PPM1D: variants seen among roughly 807,000 people sequenced by gnomAD.
PPM1D encodes the protein protein phosphatase 1D.
PPM1D carries 52 observed loss-of-function variants against 58.3 expected under a neutral mutation model. The ratio of observed to expected loss-of-function variants is 0.89; its 90% CI spans 0.71 to 1.12. PPM1D has a LOEUF of 1.12. PPM1D is among the 50% of genes most tolerant of loss of function. The pLI, the probability that PPM1D is intolerant of heterozygous loss-of-function variation, is 0.00. For synonymous variants in PPM1D, 278 were observed against 285.1 expected, an observed-to-expected ratio of 0.98 and a Z score of 0.25; for missense variants, 564 against 777.2, an observed-to-expected ratio of 0.73 and a Z score of 3.26.
intron 2 of PPM1D, among the ~76,000 whole-genome samples, chr17:60,632,990 CA>C (rs923440640): frequency 3.3e-5 from 5 of 151,142 alleles, no homozygotes; most frequent in Non-Finnish European, 5.9e-5. Flanking sequence ...TAAAAATAAA[CA>C]AAAAAACTGG....
At chr17:60,611,493 G>A (rs1338488938) in intron 1 of PPM1D, among the ~76,000 whole-genome samples, 3 of 151,312 alleles carry the variant, frequency 2.0e-5, no homozygotes, top group Non-Finnish European at 2.9e-5. Context: ...GCAGCGGCAC[G>A]ATCTTGGCTC....
chr17:60,648,386 G>GTTT (rs201335786), intron 4 of PPM1D, among the ~76,000 whole-genome samples: 3 of 135,770 alleles, frequency 2.2e-5, no homozygotes, highest in Non-Finnish European at 1.6e-5. Flanking sequence ...AAAATTTATC[G>GTTT]TTTTTTTTTT....
At chr17:60,661,308 G>T (rs1329743006) in intron 5 of PPM1D, among the ~76,000 whole-genome samples, 1 of 151,118 alleles carries the variant, frequency 6.6e-6, no homozygotes, top group Non-Finnish European at 1.5e-5. Context: ...TTCATTTGCT[G>T]CTCTGCTTGG....
chr17:60,618,433 A>C (rs1296961579), intron 1 of PPM1D, among the ~76,000 whole-genome samples: 2 of 152,124 alleles, frequency 1.3e-5, no homozygotes, highest in African/African-American at 4.8e-5. Context: ...ATGTTGCTCC[A>C]TTTTCTTGAC....
At chr17:60,620,806 C>T (rs562975521) in intron 1 of PPM1D, among the ~76,000 whole-genome samples, 1 of 152,284 alleles carries the variant, frequency 6.6e-6, no homozygotes, top group East Asian at 1.9e-4. Flanking sequence ...CTGCACCCAG[C>T]CTGTTGCCAT....
At position 60,663,799 on chromosome 17, in the gene PPM1D, AATACACAGTATTCAGAGTCTCTG is replaced by A. The variant is rs1057319550; in HGVS notation, c.*258_*280del. The A allele has an allele frequency of 1.8e-5, 8 of 454,126 alleles. No individual in the cohort carries two copies. The highest frequency in any genetic ancestry group is 5.9e-5 in the African/African-American group (3 of 51,182). The allele number at this position is 454,126 out of a possible 1,614,324, so 28.1% of individuals were successfully genotyped here. On this transcript the variant is annotated 3_prime_UTR_variant, in exon 6 of 6. Coordinates refer to ENST00000305921, the MANE Select transcript of PPM1D (RefSeq NM_003620.4). ...TGTATCCACACAAATTCAGTCTCTGAATACACAGTATTCAGAGTCTCTGATACACAGTAATTGTGACAATAGGG... is the reference window on the plus strand; with the variant it reads ...TGTATCCACACAAATTCAGTCTCTGAATACACAGTAATTGTGACAATAGGG...
At chr17:60,647,334 G>A (rs1310148673) in intron 3 of PPM1D, among the ~76,000 whole-genome samples, 2 of 151,974 alleles carry the variant, frequency 1.3e-5, no homozygotes, top group African/African-American at 4.8e-5. Context: ...CTTACATTTG[G>A]TTCATTGTTA....
chr17:60,641,377 G>A (rs538518255), intron 3 of PPM1D, among the ~76,000 whole-genome samples: 3 of 152,198 alleles, frequency 2.0e-5, no homozygotes, highest in Non-Finnish European at 2.9e-5. Flanking sequence ...ATTCTTGGCC[G>A]TTTGCATGTC....
At chr17:60,635,138 T>G (rs2030999218) in intron 3 of PPM1D, among the ~76,000 whole-genome samples, 1 of 152,164 alleles carries the variant, frequency 6.6e-6, no homozygotes, top group Non-Finnish European at 1.5e-5. Context: ...ACACCCTGAC[T>G]GGTGGACTTT....
At chr17:60,643,619 T>C (rs1470427524) in intron 3 of PPM1D, among the ~76,000 whole-genome samples, 5 of 152,036 alleles carry the variant, frequency 3.3e-5, no homozygotes, top group Admixed American at 3.3e-4. Context: ...TACTCACCAG[T>C]TAAAAAAAGA....
At chr17:60,661,059 C>CA (rs1044355548) in intron 5 of PPM1D, among the ~76,000 whole-genome samples, 50 of 145,144 alleles carry the variant, frequency 3.4e-4, no homozygotes, top group African/African-American at 7.1e-4. Context: ...ACTAAAAATA[C>CA]AAAAAAAAAA....
At chr17:60,621,563 ATTTTTTTTTTTTT>A (rs775950363) in intron 1 of PPM1D, among the ~76,000 whole-genome samples, 1 of 96,132 alleles carries the variant, frequency 1.0e-5, no homozygotes, top group Non-Finnish European at 2.2e-5. Flanking sequence ...TATTTTTTGT[ATTTTTTTTTTTTT>A]TTTTTTTTGA....
In PPM1D at chr17:60,600,487, A is replaced by C; in HGVS notation, c.73A>C (p.Thr25Pro). The C allele has an allele frequency of 6.4e-7, 1 of 1,573,814 alleles. No individual in the cohort carries two copies. The highest frequency in any genetic ancestry group is 1.3e-5 in the African/African-American group (1 of 74,286). Residue 25 changes from threonine to proline, a missense_variant, in exon 1 of 6, where the codon ACT (threonine) becomes CCT (proline). Coordinates refer to ENST00000305921, the MANE Select transcript of PPM1D (RefSeq NM_003620.4). ...CGGGAGGAAGTACATGGAGGACGTT[A>C]CTCAAATCGTTGTGGAGCCCGAACC... ...QGGRKYMEDV[T>P]QIVVEPEPTA...
At chr17:60,603,355 CTT>C (rs557496826) in intron 1 of PPM1D, among the ~76,000 whole-genome samples, 257 of 152,192 alleles carry the variant, frequency 1.7e-3, no homozygotes, top group African/African-American at 4.2e-3. Context: ...TAAAAACAAA[CTT>C]ATATGTTTAT....
Position 60,663,583 on chromosome 17 carries a change from C to T in PPM1D, c.*31C>T, listed in dbSNP as rs1567979894. 1 of 1,585,436 alleles carries T rather than the reference C, an allele frequency of 6.3e-7. No individual in the cohort carries two copies. Among genetic ancestry groups the T allele is most frequent in the South Asian group, 1.1e-5 (1 of 89,688 alleles). ...ATCTGGGAAATGAGGTTTTTCCAAA[C>T]TTAGGATATAAGAGGGCTTTTTAAA... On this transcript the variant is annotated 3_prime_UTR_variant, in exon 6 of 6. Coordinates refer to ENST00000305921, the MANE Select transcript of PPM1D (RefSeq NM_003620.4).
At chr17:60,646,820 T>C (rs908490661) in intron 3 of PPM1D, among the ~76,000 whole-genome samples, 1 of 152,234 alleles carries the variant, frequency 6.6e-6, no homozygotes, top group Non-Finnish European at 1.5e-5. Context: ...AGGATAAATG[T>C]AAGAGCTTTC....
At chr17:60,619,257 A>G (rs1307878419) in intron 1 of PPM1D, among the ~76,000 whole-genome samples, 2 of 150,940 alleles carry the variant, frequency 1.3e-5, no homozygotes, top group Non-Finnish European at 2.9e-5. Flanking sequence ...CATTGTGTAT[A>G]CATACATTTT....
chr17:60,654,803 A>G (rs2031404545), intron 4 of PPM1D, among the ~76,000 whole-genome samples: 1 of 150,820 alleles, frequency 6.6e-6, no homozygotes. Flanking sequence ...GGGAGGCGGA[A>G]GTTGCAGTGA....
intron 3 of PPM1D, among the ~76,000 whole-genome samples, chr17:60,642,519 C>T (rs1180565910): frequency 6.6e-6 from 1 of 151,850 alleles, no homozygotes; most frequent in Non-Finnish European, 1.5e-5. Context: ...AGTGCAGTGG[C>T]GCGATCTCGG....
Sources: allele counts gnomAD v4.1 joint callset (sites outside exome capture counted in the v4.1 genomes callset), GRCh38; gene constraint gnomAD v4.1.1; transcripts MANE v1.5; gene names NCBI Gene and HGNC (gene_info 2026-07-23, HGNC 2026-07-21).